The following SLC9C1 variants were observed in gnomAD, a reference collection of about 807,000 sequenced individuals.
SLC9C1 encodes the protein solute carrier family 9 member C1, also known as sodium/hydrogen exchanger 10.
A neutral mutation model predicts 140.9 loss-of-function variants in SLC9C1; 97 were observed. The ratio of observed to expected loss-of-function variants is 0.69; its 90% CI spans 0.58 to 0.82. SLC9C1 has a LOEUF of 0.82. SLC9C1 is among the 40% of genes least tolerant of loss of function. The probability of loss-of-function intolerance (pLI) is 0.00; values close to 1 mark genes in which losing one functional copy is unlikely to be tolerated. For missense variants in SLC9C1, 1,340 were observed against 1,389.3 expected (o/e 0.96, Z 0.56); for synonymous variants, 440 against 442.6 (o/e 0.99, Z 0.07).
intron 15 of SLC9C1, among the ~76,000 whole-genome samples, chr3:112,216,920 G>A (rs1201042356): frequency 1.3e-5 from 2 of 152,174 alleles, no homozygotes; most frequent in Non-Finnish European, 1.5e-5. Flanking sequence ...GTTTATTGTG[G>A]CACTATTCAC....
At chr3:112,202,691 T>C (rs2077936851) in intron 17 of SLC9C1, among the ~76,000 whole-genome samples, 1 of 152,020 alleles carries the variant, frequency 6.6e-6, no homozygotes, top group African/African-American at 2.4e-5. Flanking sequence ...TTTCAATTCT[T>C]GGAAAACAAT....
chr3:112,261,743 T>C (rs114269024), intron 10 of SLC9C1, among the ~76,000 whole-genome samples: 1,799 of 152,196 alleles, frequency 0.012, 26 homozygotes, highest in Non-Finnish European at 0.019. Flanking sequence ...AATTTCATCA[T>C]CAGAGCTTGT....
intron 6 of SLC9C1, among the ~76,000 whole-genome samples, chr3:112,270,911 A>G (rs977337415): frequency 1.3e-5 from 2 of 152,210 alleles, no homozygotes; most frequent in Admixed American, 6.5e-5. Flanking sequence ...TGTCCAATAT[A>G]TGGAGTCAAC....
In SLC9C1 at chr3:112,166,224, A is replaced by G. The variant is rs549318473; in HGVS notation, c.3364+997T>C. ...CCTAACCCCTTGTGCTTCCCAGGTG[A>G]GGCAATGCCTTGCCCTGCTTCAGCT... is the stretch of plus-strand genomic sequence containing the variant. On this transcript the variant is annotated intron_variant, in intron 26 of 28. Coordinates refer to ENST00000305815, the MANE Select transcript of SLC9C1 (RefSeq NM_183061.3). Among the ~76,000 whole-genome samples the G allele has an allele frequency of 1.2e-3, 185 of 152,324 alleles. 1 individual carries two copies. Among genetic ancestry groups the G allele is most frequent in the African/African-American group, 4.2e-3 (173 of 41,580 alleles).
intron 23 of SLC9C1, among the ~76,000 whole-genome samples, chr3:112,170,554 T>C (rs981578301): frequency 6.6e-6 from 1 of 152,158 alleles, no homozygotes; most frequent in Non-Finnish European, 1.5e-5. Flanking sequence ...TTTACACATA[T>C]TTTTTATAAG....
chr3:112,203,552 A>G (rs2077963424), intron 17 of SLC9C1, among the ~76,000 whole-genome samples: 1 of 136,010 alleles, frequency 7.4e-6, no homozygotes, highest in Admixed American at 7.6e-5. Context: ...CTCCATACAA[A>G]CTATGTTTTA....
chr3:112,168,855 A>G, intron 25 of SLC9C1, 22 bp downstream of exon 25: 1 of 1,548,322 alleles, frequency 6.5e-7, no homozygotes, highest in Non-Finnish European at 8.7e-7. Context: ...TGATCTGAAG[A>G]CAGGAATCAA....
chr3:112,233,026 TACACACACAC>T (rs60551268), intron 12 of SLC9C1, among the ~76,000 whole-genome samples: 1 of 134,412 alleles, frequency 7.4e-6, no homozygotes, highest in South Asian at 2.4e-4. Flanking sequence ...TTCACTTTCA[TACACACACAC>T]ACACACACAC....
chr3:112,213,188 C>A (rs887219182), intron 15 of SLC9C1, among the ~76,000 whole-genome samples: 5 of 152,266 alleles, frequency 3.3e-5, no homozygotes, highest in Middle Eastern at 6.8e-3. Context: ...GCCTGCCCTA[C>A]AAGAGCTCCT....
intron 15 of SLC9C1, among the ~76,000 whole-genome samples, chr3:112,212,131 C>T (rs1192599299): frequency 6.6e-6 from 1 of 152,224 alleles, no homozygotes; most frequent in East Asian, 1.9e-4. Context: ...TCCAACAGAC[C>T]TGCAGCTGAG....
intron 11 of SLC9C1, 78 bp downstream of exon 11, chr3:112,243,917 C>A: frequency 2.8e-6 from 3 of 1,064,382 alleles, no homozygotes; most frequent in Non-Finnish European, 4.0e-6. Context: ...TATATGGATT[C>A]TTTCTTTATT....
At chr3:112,208,932 T>C (rs975686707) in intron 15 of SLC9C1, among the ~76,000 whole-genome samples, 8 of 152,172 alleles carry the variant, frequency 5.3e-5, no homozygotes, top group East Asian at 1.9e-4. Context: ...TGGTGGAATA[T>C]ATGGATCCAA....
intron 1 of SLC9C1, among the ~76,000 whole-genome samples, chr3:112,290,008 CTAA>C (rs1258329401): frequency 1.3e-5 from 2 of 152,132 alleles, no homozygotes; most frequent in South Asian, 4.2e-4. Flanking sequence ...TCCAGTGATT[CTAA>C]TGAGCAACTG....
chr3:112,229,614 C>G (rs1326186408), intron 13 of SLC9C1, among the ~76,000 whole-genome samples: 1 of 151,290 alleles, frequency 6.6e-6, no homozygotes, highest in Non-Finnish European at 1.5e-5. Context: ...TTTTTTAAGG[C>G]TGAGAAAATT....
chr3:112,252,342 C>A (rs1447469987), intron 10 of SLC9C1, among the ~76,000 whole-genome samples: 2 of 151,748 alleles, frequency 1.3e-5, no homozygotes, highest in Non-Finnish European at 2.9e-5. Context: ...ATGACCACCC[C>A]CACCAGTGTT....
Position 112,195,165 on chromosome 3 carries a change from C to T in SLC9C1, c.2523+4156G>A, listed in dbSNP as rs373824562. ...TTTGTCTATATTTTATTTTGCTGCA[C>T]GTGCCTTAAGCATCATTTCCAAGTA... On this transcript the variant is annotated intron_variant, in intron 20 of 28. Transcript: ENST00000305815. Among the ~76,000 whole-genome samples, 11 of 152,176 alleles carry T rather than the reference C, an allele frequency of 7.2e-5. No homozygotes were observed. The East Asian group carries it at 7.7e-4, about 11-fold the overall frequency.
intron 17 of SLC9C1, 22 bp downstream of exon 17, chr3:112,204,196 G>A (rs940831726): frequency 3.5e-6 from 5 of 1,446,076 alleles, no homozygotes; most frequent in Non-Finnish European, 4.5e-6. Flanking sequence ...ATTAGAAATT[G>A]CACGATTTAC....
chr3:112,253,742 C>T (rs1211337876), intron 10 of SLC9C1, among the ~76,000 whole-genome samples: 1 of 152,168 alleles, frequency 6.6e-6, no homozygotes, highest in African/African-American at 2.4e-5. Context: ...CAAATGACCA[C>T]ACTAGTTCTC....
intron 6 of SLC9C1, among the ~76,000 whole-genome samples, chr3:112,271,913 T>G (rs958166198): frequency 2.6e-5 from 4 of 152,188 alleles, no homozygotes; most frequent in African/African-American, 9.7e-5. Flanking sequence ...ACATTTTTTT[T>G]GTGCTTCTCT....
Sources: gnomAD v4.1 joint callset for allele counts (sites outside exome capture counted in the v4.1 genomes callset) on GRCh38, gnomAD v4.1.1 for gene constraint, MANE v1.5 for transcripts, NCBI Gene and HGNC (gene_info 2026-07-23, HGNC 2026-07-21) for gene names.